C10orf67: variants seen among roughly 807,000 people sequenced by gnomAD.
C10orf67 encodes the protein chromosome 10 open reading frame 67.
Under a neutral mutation model 35.6 loss-of-function variants are expected in C10orf67, and 60 were observed. That is an observed-to-expected ratio of 1.68 (90% CI 1.37 to 2.09). C10orf67 has a LOEUF of 2.09. Ranked by LOEUF, C10orf67 falls within the 30% of genes most tolerant of loss-of-function variation. The pLI, the probability that C10orf67 is intolerant of heterozygous loss-of-function variation, is 0.00. For missense variants in C10orf67, 474 were observed against 330.2 expected (o/e 1.44, Z -3.38); for synonymous variants, 167 against 115.8 (o/e 1.44, Z -2.84).
At chr10:23,344,357 G>GGGA in intron 1 of C10orf67, 1 of 595,972 alleles carries the variant, frequency 1.7e-6, no homozygotes, top group South Asian at 2.0e-5. Flanking sequence ...AGTGGAGAGG[G>GGGA]GGAGGAGGAG....
chr10:23,209,189 A>G (rs1349225681), intron 15 of C10orf67, among the ~76,000 whole-genome samples: 3 of 152,160 alleles, frequency 2.0e-5, no homozygotes, highest in Non-Finnish European at 2.9e-5. Context: ...TTTTATCTTG[A>G]AAGCCATAGA....
intron 5 of C10orf67, among the ~76,000 whole-genome samples, chr10:23,291,801 G>A (rs1259621713): frequency 6.6e-6 from 1 of 152,144 alleles, no homozygotes; most frequent in Non-Finnish European, 1.5e-5. Flanking sequence ...CAGGCTGGGA[G>A]CCGCATGGAG....
rs1048005059 is a variant in C10orf67 at position 23,287,019 on chromosome 10, A to G, written c.909+2881T>C. Reference sequence around the variant, plus strand: ...AAACATTCCATCCTTATGGATAGGAAGAATCAATATCATGAAAATGGCCAT... The same window carrying G: ...AAACATTCCATCCTTATGGATAGGAGGAATCAATATCATGAAAATGGCCAT... On this transcript the variant is annotated intron_variant, in intron 7 of 15. Transcript: ENST00000636213. 5.9e-5 allele frequency among the ~76,000 whole-genome samples: 9 copies of G among 152,278 alleles called. 1 individual carries two copies. Among genetic ancestry groups the G allele is most frequent in the African/African-American group, 2.2e-4 (9 of 41,476 alleles).
chr10:23,259,252 G>A (rs986945542), intron 10 of C10orf67, among the ~76,000 whole-genome samples: 9 of 152,176 alleles, frequency 5.9e-5, no homozygotes, highest in African/African-American at 1.9e-4. Context: ...CGTATATCAA[G>A]CTATTCTGTA....
chr10:23,258,164 A>AC (rs893260025), intron 10 of C10orf67: 5 of 153,622 alleles, frequency 3.3e-5, no homozygotes, highest in African/African-American at 1.2e-4. Flanking sequence ...CTCTTGGTGC[A>AC]CTGGTGGCCT....
downstream of C10orf67, chr10:23,202,467 T>A (rs1230129380): frequency 2.4e-5 from 2 of 81,902 alleles, no homozygotes; most frequent in African/African-American, 7.7e-5. Flanking sequence ...TCAGCAGGGA[T>A]TTTTTTTTTT....
rs12260409 is a variant in C10orf67 at position 23,243,643 on chromosome 10, C to T, written c.1347-3827G>A. 7.7e-3 allele frequency among the ~76,000 whole-genome samples: 1,164 copies of T among 150,988 alleles called. 15 individuals carry two copies. Among genetic ancestry groups the T allele is most frequent in the African/African-American group, 0.027 (1,094 of 41,056 alleles). ...CGGAGGTTGCGGTGAGCTGAGATCA[C>T]GCCATTGCACTCCAGCCTGGGCAAC... On this transcript the variant is annotated intron_variant, in intron 12 of 15. Transcript: ENST00000636213.
intron 3 of C10orf67, among the ~76,000 whole-genome samples, chr10:23,321,159 T>C (rs966651976): frequency 6.6e-6 from 1 of 152,264 alleles, no homozygotes; most frequent in Non-Finnish European, 1.5e-5. Flanking sequence ...CTAGTCCTTG[T>C]ACTTTTTGAA....
intron 8 of C10orf67, among the ~76,000 whole-genome samples, chr10:23,268,407 T>C (rs1414829331): frequency 6.6e-6 from 1 of 152,248 alleles, no homozygotes; most frequent in South Asian, 2.1e-4. Flanking sequence ...AATTTATGAG[T>C]AATGCCAGTG....
chr10:23,257,945 G>A (rs1254128826), intron 10 of C10orf67, among the ~76,000 whole-genome samples: 6 of 152,136 alleles, frequency 3.9e-5, no homozygotes, highest in Non-Finnish European at 7.4e-5. Context: ...ACACATATGT[G>A]TATGGGTGTG....
intron 15 of C10orf67, among the ~76,000 whole-genome samples, chr10:23,214,485 A>C (rs1353106318): frequency 6.6e-6 from 1 of 152,186 alleles, no homozygotes; most frequent in Non-Finnish European, 1.5e-5. Flanking sequence ...GATGCAACTA[A>C]AACATTTTTA....
chr10:23,244,562 G>A (rs558947957), intron 12 of C10orf67, among the ~76,000 whole-genome samples: 1 of 152,042 alleles, frequency 6.6e-6, no homozygotes, highest in South Asian at 2.1e-4. Context: ...ATACCAATAA[G>A]CTATCCAAAA....
intron 4 of C10orf67, among the ~76,000 whole-genome samples, chr10:23,309,154 T>C (rs1259764270): frequency 6.6e-6 from 1 of 152,208 alleles, no homozygotes; most frequent in African/African-American, 2.4e-5. Context: ...CAATGGTTGA[T>C]TGTATAAAGA....
chr10:23,322,257 T>A (rs1247819917), intron 3 of C10orf67, 137 bp downstream of exon 3: 4 of 795,298 alleles, frequency 5.0e-6, no homozygotes, highest in Non-Finnish European at 7.5e-6. Context: ...TGAAGCTCTG[T>A]GTATTAATTA....
intron 7 of C10orf67, among the ~76,000 whole-genome samples, chr10:23,283,122 C>G (rs1209648769): frequency 6.6e-6 from 1 of 152,042 alleles, no homozygotes; most frequent in Non-Finnish European, 1.5e-5. Flanking sequence ...CCCCACTTAC[C>G]CTCATGTGAT....
chr10:23,313,574 G>T (rs1164594090), intron 4 of C10orf67, among the ~76,000 whole-genome samples: 3 of 152,154 alleles, frequency 2.0e-5, no homozygotes, highest in Admixed American at 2.0e-4. Context: ...GAGTCTAGTG[G>T]ACAGATCAAT....
intron 15 of C10orf67, among the ~76,000 whole-genome samples, chr10:23,211,818 A>G (rs1292522191): frequency 6.6e-6 from 1 of 152,202 alleles, no homozygotes; most frequent in Non-Finnish European, 1.5e-5. Flanking sequence ...TGGTATAGTG[A>G]GTTCATGATT....
intron 7 of C10orf67, among the ~76,000 whole-genome samples, chr10:23,285,488 G>A (rs1204999311): frequency 6.6e-6 from 1 of 150,934 alleles, no homozygotes; most frequent in Non-Finnish European, 1.5e-5. Context: ...AACAGAAATA[G>A]GTAAAAGCAA....
chr10:23,308,143 A>C (rs1844355759), intron 4 of C10orf67, among the ~76,000 whole-genome samples: 1 of 152,038 alleles, frequency 6.6e-6, no homozygotes, highest in African/African-American at 2.4e-5. Flanking sequence ...TAAGCCAGAA[A>C]CCCATTTTAA....
Sources: allele counts gnomAD v4.1 joint callset (sites outside exome capture counted in the v4.1 genomes callset), GRCh38; gene constraint gnomAD v4.1.1; transcripts MANE v1.5; gene names NCBI Gene and HGNC (gene_info 2026-07-23, HGNC 2026-07-21).